The following FNDC1 variants were observed in gnomAD, a reference collection of about 807,000 sequenced individuals.
The protein encoded by FNDC1 is fibronectin type III domain containing 1.
FNDC1 carries 96 observed loss-of-function variants against 168.0 expected under a neutral mutation model. That is an observed-to-expected ratio of 0.57 (90% CI 0.48 to 0.68). FNDC1 has a LOEUF of 0.68. FNDC1 is among the 30% of genes least tolerant of loss of function. The pLI, the probability that FNDC1 is intolerant of heterozygous loss-of-function variation, is 0.00. For synonymous variants in FNDC1, 1,099 were observed against 1,025.9 expected (o/e 1.07, Z -1.36); for missense variants, 2,587 against 2,482.1 (o/e 1.04, Z -0.90).
intron 9 of FNDC1, 45 bp from the exon 10 acceptor site, chr6:159,229,770 C>G (rs1783042538): frequency 6.4e-7 from 1 of 1,555,194 alleles, no homozygotes; most frequent in Admixed American, 1.7e-5. Context: ...GGACACAGGA[C>G]TGTTTTCAGT....
At chr6:159,262,752 A>T (rs1360166060) in intron 19 of FNDC1, among the ~76,000 whole-genome samples, 1 of 152,180 alleles carries the variant, frequency 6.6e-6, no homozygotes, top group African/African-American at 2.4e-5. Context: ...CTCCTAACTC[A>T]TTCTTTATGG....
At chr6:159,214,900 A>G in intron 4 of FNDC1, 45 bp from the exon 5 acceptor site, 1 of 1,578,174 alleles carries the variant, frequency 6.3e-7, no homozygotes, top group Non-Finnish European at 8.7e-7. Context: ...GGCAAACTCT[A>G]AGTGGTCTAC....
rs1420108330 is a variant in FNDC1, at chr6:159,200,585, C to T, written c.460+4C>T. 16 of 1,581,992 alleles carry T rather than the reference C, an allele frequency of 1.0e-5. No individual in the cohort carries two copies. The highest frequency in any genetic ancestry group is 1.4e-5 in the Non-Finnish European group (16 of 1,161,510). On this transcript the variant is annotated splice_donor_region_variant and intron_variant, in intron 4 of 22. Transcript: ENST00000297267. ...CCATTTAATGAAACCGTCACAGGTA[C>T]TACTTCCTCCTTCATGTCAGATTCA...
chr6:159,254,871 C>T (rs1777341099), intron 17 of FNDC1, among the ~76,000 whole-genome samples: 1 of 152,150 alleles, frequency 6.6e-6, no homozygotes, highest in Non-Finnish European at 1.5e-5. Flanking sequence ...CCTTCTATCT[C>T]ACTTCTATAT....
chr6:159,234,572 T>C (rs928170091), intron 11 of FNDC1, 93 bp downstream of exon 11: 1 of 1,155,282 alleles, frequency 8.7e-7, no homozygotes, highest in Non-Finnish European at 1.2e-6. Flanking sequence ...ATTTAGCACC[T>C]ACTATGTCCA....
rs1187333412 is a variant in FNDC1 at position 159,269,279 on chromosome 6, T to TC, written c.5569+1354dup. Among the ~76,000 whole-genome samples, 22 of 89,938 alleles carry TC rather than the reference T, an allele frequency of 2.4e-4. 1 individual carries two copies. Among genetic ancestry groups the TC allele is most frequent in the Non-Finnish European group, 4.8e-4 (16 of 33,072 alleles). 59.0% of individuals were successfully genotyped at this position (89,938 alleles called of 152,430 possible). Reference sequence around the variant, plus strand: ...TATCATCTATCTATCTATCTATCTATCTATCTATCTATCCATCCATCCATC... The same window carrying TC: ...TATCATCTATCTATCTATCTATCTATCCTATCTATCTATCCATCCATCCATC... On this transcript the variant is annotated intron_variant, in intron 22 of 22. Coordinates refer to ENST00000297267, the MANE Select transcript of FNDC1 (RefSeq NM_032532.3).
rs549596279 is a variant in FNDC1, at chr6:159,253,544, C to T, written c.5065+2012C>T. Among the ~76,000 whole-genome samples, 3 of 152,240 alleles carry T rather than the reference C, an allele frequency of 2.0e-5. No individual in the cohort carries two copies. In the East Asian group the frequency reaches 5.8e-4, roughly 29 times the overall value. ...AGTCAATGTGTAATGAAGTGGTGCCCGAACAGTGTGAAACTCCTAGAATTC... is the reference window on the plus strand; with the variant it reads ...AGTCAATGTGTAATGAAGTGGTGCCTGAACAGTGTGAAACTCCTAGAATTC... On this transcript the variant is annotated intron_variant, in intron 17 of 22. Transcript: ENST00000297267.
chr6:159,200,823 A>C (rs768836558), intron 4 of FNDC1, among the ~76,000 whole-genome samples: 13 of 152,210 alleles, frequency 8.5e-5, no homozygotes, highest in Non-Finnish European at 1.8e-4. Flanking sequence ...CTGCGTCTAC[A>C]TCTGGGGATA....
At chr6:159,262,957 A>C (rs1274469745) in intron 19 of FNDC1, among the ~76,000 whole-genome samples, 2 of 152,278 alleles carry the variant, frequency 1.3e-5, no homozygotes, top group African/African-American at 4.8e-5. Context: ...TAACCTGCTG[A>C]AAATGGCTAG....
At chr6:159,265,617 C>T (rs991930059) in intron 20 of FNDC1, among the ~76,000 whole-genome samples, 1 of 152,050 alleles carries the variant, frequency 6.6e-6, no homozygotes, top group East Asian at 1.9e-4. Flanking sequence ...AGAAGGAGGG[C>T]GGGAAAACTT....
intron 5 of FNDC1, among the ~76,000 whole-genome samples, chr6:159,220,479 A>T (rs968412371): frequency 6.6e-6 from 1 of 152,240 alleles, no homozygotes; most frequent in African/African-American, 2.4e-5. Flanking sequence ...AGCCTTGGTC[A>T]GAGAGTCTGG....
intron 19 of FNDC1, 142 bp from the exon 20 acceptor site, chr6:159,264,833 C>A: frequency 4.9e-6 from 3 of 617,222 alleles, no homozygotes; most frequent in Non-Finnish European, 8.2e-6. Context: ...AAAATAAAAC[C>A]AAGGAAAACG....
At chr6:159,183,773 G>A (rs1781931756) in intron 1 of FNDC1, among the ~76,000 whole-genome samples, 1 of 152,192 alleles carries the variant, frequency 6.6e-6, no homozygotes, top group South Asian at 2.1e-4. Flanking sequence ...TTGCTTCTAG[G>A]AGGAGGCGCT....
intron 1 of FNDC1, among the ~76,000 whole-genome samples, chr6:159,189,401 T>G (rs1446762191): frequency 6.6e-6 from 1 of 152,142 alleles, no homozygotes; most frequent in Non-Finnish European, 1.5e-5. Flanking sequence ...CCCTGGGCAG[T>G]TTGGGGTCAC....
At position 159,232,310 on chromosome 6, in the gene FNDC1, C is replaced by T. The variant is rs1473959441; in HGVS notation, c.1798C>T (p.Pro600Ser). The T allele has an allele frequency of 6.2e-7, 1 of 1,612,870 alleles. No homozygotes were observed. The change falls in exon 11 of 23, where the codon CCT becomes TCT. Residue 600 changes from proline (P) to serine (S), a missense_variant. By Grantham distance (74) the Pro-to-Ser change is moderately conservative. Transcript: ENST00000297267. This position sits in a 1 kb window ranked among gnomAD's most constrained non-coding sequence, Gnocchi z 4.9. ...ALPRREGVDK[P>S]GFSLATQPRP... Reference sequence around the variant, plus strand: ...GCCCCGAAGGGAAGGCGTAGATAAGCCTGGCTTTTCCCTGGCCACGCAGCC... The same window carrying T: ...GCCCCGAAGGGAAGGCGTAGATAAGTCTGGCTTTTCCCTGGCCACGCAGCC...
In FNDC1 at chr6:159,232,768, C is replaced by G. The variant is rs766229537; in HGVS notation, c.2256C>G (p.Ala752=). Residue 752 remains alanine, a synonymous_variant, in exon 11 of 23, where the codon GCC becomes GCG. Coordinates refer to ENST00000297267, the MANE Select transcript of FNDC1 (RefSeq NM_032532.3). This position sits in a 1 kb window ranked among gnomAD's most constrained non-coding sequence, Gnocchi z 4.9. Reference sequence around the variant, plus strand: ...GGAAGGATGGTGAGGACGCCCCAGCCACCAACTCCAATGCGCCATCACGGT... The same window carrying G: ...GGAAGGATGGTGAGGACGCCCCAGCGACCAACTCCAATGCGCCATCACGGT... ...KGGKDGEDAP[A]TNSNAPSRST... is the part of the protein sequence containing the mutation. The G allele has an allele frequency of 1.2e-6, 2 of 1,613,836 alleles. No homozygotes were observed. The highest frequency in any genetic ancestry group is 1.7e-6 in the Non-Finnish European group (2 of 1,179,890).
chr6:159,269,238 T>TCTATC lies in FNDC1; in HGVS notation c.5569+1312_5569+1313insCTATC, dbSNP rs1562315672. 7.4e-4 allele frequency among the ~76,000 whole-genome samples: 91 copies of TCTATC among 123,788 alleles called. 1 individual carries two copies. The highest frequency in any genetic ancestry group is 2.4e-3 in the African/African-American group (67 of 27,702). The allele number at this position is 123,788 out of a possible 152,430, so 81.2% of individuals were successfully genotyped here. On this transcript the variant is annotated intron_variant, in intron 22 of 22. Transcript: ENST00000297267. The stretch of plus-strand genomic sequence containing the variant: ...CTATCTATCTATCTATCTATCTATC[T>TCTATC]ATCTATCTATCCATCTATCATCTAT...
intron 1 of FNDC1, among the ~76,000 whole-genome samples, chr6:159,195,556 G>T (rs1434410771): frequency 2.6e-5 from 4 of 152,180 alleles, no homozygotes; most frequent in Non-Finnish European, 5.9e-5. Flanking sequence ...CTGGGCTTTG[G>T]AGTTGGGCAA....
chr6:159,232,366 C>G lies in FNDC1; in HGVS notation c.1854C>G (p.Ala618=). 5 of 1,613,620 alleles carry G rather than the reference C, an allele frequency of 3.1e-6. No homozygotes were observed. Among genetic ancestry groups the G allele is most frequent in the Non-Finnish European group, 4.2e-6 (5 of 1,179,712 alleles). ...CAGGGGCGCCCCCCTCGGCTTCGGC[C>G]TCTCCTGCCCACCACGCGTCCACCC... ...PRPGAPPSAS[A]SPAHHASTQG... Residue 618 remains alanine, a synonymous_variant, in exon 11 of 23, where the codon GCC becomes GCG. Transcript: ENST00000297267. This position sits in a 1 kb window ranked among gnomAD's most constrained non-coding sequence, Gnocchi z 4.9.
Sources: gnomAD v4.1 joint callset for allele counts (sites outside exome capture counted in the v4.1 genomes callset) on GRCh38, gnomAD v4.1.1 for gene constraint, Gnocchi (gnomAD v3.1) non-coding constraint, MANE v1.5 for transcripts, NCBI Gene and HGNC (gene_info 2026-07-23, HGNC 2026-07-21) for gene names.